The following TBCE variants were observed in gnomAD, a reference collection of about 807,000 sequenced individuals.
The protein encoded by TBCE is tubulin folding cofactor E.
In TBCE, 53 loss-of-function variants were observed where a neutral mutation model predicts 77.0. That is an observed-to-expected ratio of 0.69 (90% CI 0.55 to 0.87). The LOEUF is 0.87. Ranked by LOEUF, TBCE falls within the 40% of genes least tolerant of loss-of-function variation. The pLI is 0.00. For missense variants in TBCE, 624 were observed against 622.4 expected (o/e 1.00, Z -0.03); for synonymous variants, 235 against 241.3 (o/e 0.97, Z 0.24).
At chr1:235,401,331 A>G (rs1274524539) in intron 2 of TBCE, among the ~76,000 whole-genome samples, 172 bp from the exon 3 acceptor site, 1 of 152,098 alleles carries the variant, frequency 6.6e-6, no homozygotes, top group African/African-American at 2.4e-5. Flanking sequence ...CAGACATGCT[A>G]TGGCATTTGC....
At position 235,449,186 on chromosome 1, in the gene TBCE, T is replaced by C. The variant is rs989738222; in HGVS notation, c.*424T>C. 2.8e-5 allele frequency: 7 copies of C among 248,126 alleles called. No individual in the cohort carries two copies. Among genetic ancestry groups the C allele is most frequent in the African/African-American group, 1.6e-4 (7 of 43,512 alleles). 15.4% of individuals were successfully genotyped at this position (248,126 alleles called of 1,614,324 possible). A position where few individuals can be genotyped will look rare whatever the true frequency, so the allele number is the denominator to read the frequency against. ...GTTGGTCATTTTGGGAAATGTCCCTTAAACTTGGGGAGACATCCTCTACTA... is the reference window on the plus strand; with the variant it reads ...GTTGGTCATTTTGGGAAATGTCCCTCAAACTTGGGGAGACATCCTCTACTA... On this transcript the variant is annotated 3_prime_UTR_variant, in exon 17 of 17. Transcript: ENST00000642610.
At chr1:235,393,608 GTT>G (rs11303548) in intron 2 of TBCE, among the ~76,000 whole-genome samples, 113 of 151,522 alleles carry the variant, frequency 7.5e-4, no homozygotes, top group African/African-American at 2.5e-3. Flanking sequence ...AGTTTTAAAT[GTT>G]TTTTTTTCAT....
At position 235,402,901 on chromosome 1, in the gene TBCE, G is replaced by A. The variant is rs556502800; in HGVS notation, c.185+1314G>A. On this transcript the variant is annotated intron_variant, in intron 3 of 16. Coordinates refer to ENST00000642610, the MANE Select transcript of TBCE (RefSeq NM_003193.5). ...CCACCTCGGCTTCTCAAAGTGCTGG[G>A]ATTACAGATGTGAGCCACTGCACCA... 2.6e-5 allele frequency among the ~76,000 whole-genome samples: 4 copies of A among 152,292 alleles called. No individual in the cohort carries two copies. The South Asian group carries it at 8.3e-4, about 32-fold the overall frequency.
At chr1:235,436,122 G>T in intron 9 of TBCE, 1 of 601,222 alleles carries the variant, frequency 1.7e-6, no homozygotes, top group East Asian at 2.8e-5. Context: ...CCGGGCAGTA[G>T]ACCGTGTCTC....
chr1:235,374,539 C>T lies in TBCE; in HGVS notation c.-31-5480C>T, dbSNP rs942013708. 1.4e-5 allele frequency among the ~76,000 whole-genome samples: 2 copies of T among 145,544 alleles called. 1 individual carries two copies. The highest frequency in any genetic ancestry group is 5.3e-5 in the African/African-American group (2 of 37,658). ...TTTTTGAGACTGAATCTCCCTCTGTCGCCCAGGCTGAAGTGCAGTGGTGCA... is the reference window on the plus strand; with the variant it reads ...TTTTTGAGACTGAATCTCCCTCTGTTGCCCAGGCTGAAGTGCAGTGGTGCA... On this transcript the variant is annotated intron_variant, in intron 1 of 16. Transcript: ENST00000642610.
intron 3 of TBCE, among the ~76,000 whole-genome samples, chr1:235,406,527 G>A (rs536790615): frequency 7.2e-5 from 11 of 152,238 alleles, no homozygotes; most frequent in African/African-American, 1.7e-4. Context: ...AAAGAGAAAC[G>A]TGGATTTTTT....
At chr1:235,380,295 GT>G (rs1252016853) in intron 2 of TBCE, 146 bp downstream of exon 2, 1 of 706,984 alleles carries the variant, frequency 1.4e-6, no homozygotes, top group East Asian at 2.8e-5. Context: ...TAATTTATAG[GT>G]GCCTCCTGTA....
intron 1 of TBCE, among the ~76,000 whole-genome samples, chr1:235,372,696 G>A (rs1365974541): frequency 2.0e-5 from 3 of 151,772 alleles, no homozygotes; most frequent in Admixed American, 6.6e-5. Context: ...AGGCCGAGGC[G>A]GGCGGATCTC....
chr1:235,426,536 C>G (rs189185569), intron 5 of TBCE, among the ~76,000 whole-genome samples: 1 of 152,262 alleles, frequency 6.6e-6, no homozygotes. Flanking sequence ...TGCTTTTCCC[C>G]TCTCCTTTTG....
At chr1:235,432,957 G>T (rs1681191692) in intron 7 of TBCE, 4 of 1,437,212 alleles carry the variant, frequency 2.8e-6, no homozygotes, top group Non-Finnish European at 3.7e-6. Flanking sequence ...CTCATGCGCA[G>T]TGTGGTGGCA....
At position 235,452,019 on chromosome 1, in the gene TBCE, G is replaced by GTT; in HGVS notation, c.*3267_*3268dup. On this transcript the variant is annotated 3_prime_UTR_variant, in exon 17 of 17. Transcript: ENST00000642610. ...CTCAATCAGTGGATTCTGTCGTTCAGTTTTTTTTTTTGAGACGGAGTCTCG... is the reference window on the plus strand; with the variant it reads ...CTCAATCAGTGGATTCTGTCGTTCAGTTTTTTTTTTTTTGAGACGGAGTCTCG... 2.0e-5 allele frequency: 3 copies of GTT among 149,932 alleles called. No homozygotes were observed. The highest frequency in any genetic ancestry group is 2.1e-4 in the South Asian group (1 of 4,724). The allele number at this position is 149,932 out of a possible 1,614,324, so 9.3% of individuals were successfully genotyped here. A position where few individuals can be genotyped will look rare whatever the true frequency, so the allele number is the denominator to read the frequency against.
At chr1:235,437,044 G>A (rs1016328892) in intron 11 of TBCE, among the ~76,000 whole-genome samples, 1 of 152,116 alleles carries the variant, frequency 6.6e-6, no homozygotes, top group Admixed American at 6.5e-5. Flanking sequence ...CAGGAGAATC[G>A]CCTGAACTCA....
intron 1 of TBCE, among the ~76,000 whole-genome samples, chr1:235,367,852 A>G (rs1676638829): frequency 6.6e-6 from 1 of 152,220 alleles, no homozygotes; most frequent in African/African-American, 2.4e-5. Flanking sequence ...ATCAGTTAAC[A>G]TTGGTGATGA....
intron 14 of TBCE, among the ~76,000 whole-genome samples, chr1:235,442,573 T>G (rs1378723236): frequency 6.6e-6 from 1 of 152,176 alleles, no homozygotes; most frequent in Admixed American, 6.5e-5. Context: ...GGTATTGGAG[T>G]TGTGAACCAA....
intron 2 of TBCE, among the ~76,000 whole-genome samples, chr1:235,383,750 T>C (rs1489332593): frequency 6.6e-6 from 1 of 152,244 alleles, no homozygotes. Flanking sequence ...TATACAATCA[T>C]GTCATCTGCA....
chr1:235,370,547 G>A (rs958594441), intron 1 of TBCE, among the ~76,000 whole-genome samples: 4 of 143,544 alleles, frequency 2.8e-5, no homozygotes, highest in Non-Finnish European at 4.5e-5. Flanking sequence ...CACTGCACCC[G>A]GCATTTTTTT....
rs1682820476 is a variant in TBCE at position 235,450,317 on chromosome 1, C to A, written c.*1555C>A. On this transcript the variant is annotated 3_prime_UTR_variant, in exon 17 of 17. Coordinates refer to ENST00000642610, the MANE Select transcript of TBCE (RefSeq NM_003193.5). ...AAGACAGCATTCCTGTCTCACAGGT[C>A]TTCTCACACAGCCACAGACTGTCCT... 6.2e-7 allele frequency: 1 copy of A among 1,614,062 alleles called. No individual in the cohort carries two copies. The highest frequency in any genetic ancestry group is 1.3e-5 in the African/African-American group (1 of 75,046).
rs1289062755 is a variant in TBCE, at chr1:235,449,521, G to A, written c.*759G>A. On this transcript the variant is annotated 3_prime_UTR_variant, in exon 17 of 17. Transcript: ENST00000642610. The stretch of plus-strand genomic sequence containing the variant: ...ATTTAAAAACTATGAGTACTAAACT[G>A]TGACCTTCAGGATTTATGTTAGATG... The A allele has an allele frequency of 1.3e-5, 2 of 152,482 alleles. No individual in the cohort carries two copies. Among genetic ancestry groups the A allele is most frequent in the Non-Finnish European group, 1.5e-5 (1 of 68,274 alleles). The allele number at this position is 152,482 out of a possible 1,614,324, so 9.4% of individuals were successfully genotyped here. A position where few individuals can be genotyped will look rare whatever the true frequency, so the allele number is the denominator to read the frequency against.
At chr1:235,368,551 G>GTTTT (rs1558337496) in intron 1 of TBCE, among the ~76,000 whole-genome samples, 2 of 44,872 alleles carry the variant, frequency 4.5e-5, no homozygotes, top group African/African-American at 1.2e-4. Context: ...TGGACAGCCT[G>GTTTT]CTTTTTTTTT....
Sources: gnomAD v4.1 joint callset for allele counts (sites outside exome capture counted in the v4.1 genomes callset) on GRCh38, gnomAD v4.1.1 for gene constraint, MANE v1.5 for transcripts, NCBI Gene and HGNC (gene_info 2026-07-23, HGNC 2026-07-21) for gene names.